ARL6IP4: variants seen among roughly 807,000 people sequenced by gnomAD.
ARL6IP4 encodes the protein ADP-ribosylation factor-like protein 6-interacting protein 4.
A neutral mutation model predicts 28.1 loss-of-function variants in ARL6IP4; 24 were observed. The observed-to-expected ratio is 0.86, with a 90% CI of 0.62 to 1.20. The LOEUF (loss-of-function observed/expected upper bound fraction) is 1.20, where lower values mean the gene tolerates loss of function less well. Ranked by LOEUF, ARL6IP4 falls within the 50% of genes most tolerant of loss-of-function variation. The probability of loss-of-function intolerance (pLI) is 0.00; values close to 1 mark genes in which losing one functional copy is unlikely to be tolerated. For synonymous variants in ARL6IP4, 162 were observed against 122.3 expected (o/e 1.32, Z -2.14); for missense variants, 343 against 302.4 (o/e 1.13, Z -1.00).
At chr12:122,982,408 G>C (rs2037724505) in intron 4 of ARL6IP4, 61 bp from the exon 5 acceptor site, 1 of 1,493,914 alleles carries the variant, frequency 6.7e-7, no homozygotes, top group Non-Finnish European at 9.2e-7. Flanking sequence ...TTGTGGTTCT[G>C]CTCCTCTGGC....
intron 1 of ARL6IP4, 72 bp from the exon 2 acceptor site, chr12:122,981,057 A>G (rs1290953847): frequency 6.8e-7 from 1 of 1,468,242 alleles, no homozygotes; most frequent in East Asian, 2.7e-5. Flanking sequence ...CGGCCCCGCT[A>G]GAGCCACCCT....
rs2037755216 is a variant in ARL6IP4, at chr12:122,982,723, TGG to T, written c.*49_*50del. 3 of 1,591,950 alleles carry T rather than the reference TGG, an allele frequency of 1.9e-6. No individual in the cohort carries two copies. In the East Asian group the frequency reaches 6.7e-5, roughly 36 times the overall value. The stretch of plus-strand genomic sequence containing the variant: ...TGTGGACGACGCTGGCGGCCCAGCC[TGG>T]GCAGGTTTCAGGGTGCCAGTGGGAA... On this transcript the variant is annotated 3_prime_UTR_variant, in exon 6 of 6. Transcript: ENST00000315580.
Position 122,981,855 on chromosome 12 carries a change from G to T in ARL6IP4, c.445G>T (p.Ala149Ser), listed in dbSNP as rs1048068837. 6.2e-7 allele frequency: 1 copy of T among 1,610,898 alleles called. No individual in the cohort carries two copies. Among genetic ancestry groups the T allele is most frequent in the Non-Finnish European group, 8.5e-7 (1 of 1,178,070 alleles). ...GPSLDQWHRS[A>S]GEEEDGPVLT... ...CTCGCTGGACCAGTGGCACCGATCA[G>T]CTGGGGAGGAAGAGGATGGCCCAGG... is the stretch of plus-strand genomic sequence containing the variant. Residue 149 changes from alanine (A) to serine (S), a missense_variant, in exon 3 of 6, where the codon GCT becomes TCT. Physicochemically the swap from Ala to Ser is moderately conservative, Grantham distance 99 (BLOSUM62 1). Transcript: ENST00000315580.
chr12:122,981,117 C>G lies in ARL6IP4; in HGVS notation c.-11-12C>G. 1.3e-6 allele frequency: 2 copies of G among 1,546,836 alleles called. No individual in the cohort carries two copies. The highest frequency in any genetic ancestry group is 1.7e-6 in the Non-Finnish European group (2 of 1,145,490). On this transcript the variant is annotated splice_polypyrimidine_tract_variant and intron_variant, in intron 1 of 5. Coordinates refer to ENST00000315580, the MANE Select transcript of ARL6IP4 (RefSeq NM_018694.4). ...GGGGGCTTCGGCTCAAGCGCGTCTTCTTCGTCGCCAGCCCGCGGCGCCATG... is the reference window on the plus strand; with the variant it reads ...GGGGGCTTCGGCTCAAGCGCGTCTTGTTCGTCGCCAGCCCGCGGCGCCATG...
chr12:122,980,774 C>G (rs1331301640), intron 1 of ARL6IP4, 29 bp downstream of exon 1: 3 of 1,304,760 alleles, frequency 2.3e-6, no homozygotes, highest in East Asian at 3.2e-5. Flanking sequence ...CGGGGGCCCC[C>G]TTGAGGCGGC....
chr12:122,982,343 G>C (rs954302096), intron 4 of ARL6IP4, 126 bp from the exon 5 acceptor site: 2 of 985,404 alleles, frequency 2.0e-6, no homozygotes, highest in South Asian at 3.1e-5. Context: ...GAGGCCCCAG[G>C]GTCTGTCCAC....
intron 2 of ARL6IP4, 116 bp downstream of exon 2, chr12:122,981,415 G>T: frequency 1.4e-6 from 2 of 1,399,568 alleles, no homozygotes; most frequent in Non-Finnish European, 1.9e-6. Context: ...AGATGTGAGG[G>T]CCAGGCGCCG....
upstream of ARL6IP4, chr12:122,980,480 C>T: frequency 7.3e-7 from 1 of 1,363,692 alleles, no homozygotes; most frequent in Non-Finnish European, 9.4e-7. Context: ...TGCGGGCGTG[C>T]GCCGAGAGGG....
In ARL6IP4 at chr12:122,982,320, A is replaced by C. The variant is rs1447888337; in HGVS notation, c.588-149A>C. The C allele has an allele frequency of 5.7e-6, 5 of 874,964 alleles. No homozygotes were observed. The Admixed American group carries it at 9.3e-5, about 16-fold the overall frequency. The allele number at this position is 874,964 out of a possible 1,614,324, so 54.2% of individuals were successfully genotyped here. ...AGAGCCCAGCTCCACTGCCTTCATC[A>C]GGGAGAGTGGGTGAGGCCCCAGGGT... is the stretch of plus-strand genomic sequence containing the variant. On this transcript the variant is annotated intron_variant, in intron 4 of 5. Transcript: ENST00000315580.
At chr12:122,980,676 G>T (rs747921915), upstream of ARL6IP4, 1,346 of 1,352,938 alleles carry the variant, frequency 9.9e-4, 5 homozygotes, top group Middle Eastern at 0.014. Flanking sequence ...GCCCCGGCCG[G>T]AAGCCTCCTC....
chr12:122,981,942 C>A lies in ARL6IP4; in HGVS notation c.470-15C>A, dbSNP rs776424372. The A allele has an allele frequency of 6.2e-7, 1 of 1,613,718 alleles. No homozygotes were observed. Among genetic ancestry groups the A allele is most frequent in the Non-Finnish European group, 8.5e-7 (1 of 1,180,014 alleles). On this transcript the variant is annotated splice_polypyrimidine_tract_variant and intron_variant, in intron 3 of 5. Coordinates refer to ENST00000315580, the MANE Select transcript of ARL6IP4 (RefSeq NM_018694.4). ...CTTCCCAAGGCCTGGCCACCACCTC[C>A]GTCTTCCCTTCCAGTCCTGACGGAT...
rs368485808 is a variant in ARL6IP4 at position 122,982,430 on chromosome 12, T to C, written c.588-39T>C. The C allele has an allele frequency of 9.6e-6, 15 of 1,567,156 alleles. No homozygotes were observed. In the African/African-American group the frequency reaches 1.9e-4, roughly 20 times the overall value. On this transcript the variant is annotated intron_variant, in intron 4 of 5. Coordinates refer to ENST00000315580, the MANE Select transcript of ARL6IP4 (RefSeq NM_018694.4). ...TCTGCTCCTCTGGCATTAGGGGACC[T>C]GCCTATTCCTTGCTGAACGGAGACC...
Position 122,980,743 on chromosome 12 carries a change from G to C in ARL6IP4, c.-14G>C, listed in dbSNP as rs2037606536. 1 of 1,321,462 alleles carries C rather than the reference G, an allele frequency of 7.6e-7. No homozygotes were observed. Among genetic ancestry groups the C allele is most frequent in the East Asian group, 3.1e-5 (1 of 31,856 alleles). 81.9% of individuals were successfully genotyped at this position (1,321,462 alleles called of 1,614,324 possible). A position where few individuals can be genotyped will look rare whatever the true frequency, so the allele number is the denominator to read the frequency against. On this transcript the variant is annotated splice_region_variant and 5_prime_UTR_variant, in exon 1 of 6. Coordinates refer to ENST00000315580, the MANE Select transcript of ARL6IP4 (RefSeq NM_018694.4). ...GGGCTGTCCGGCCCGCAGGGCGGTC[G>C]AGGTGGGAACGGAGCAGCCCCGGGG...
Position 122,981,397 on chromosome 12 carries a change from C to T in ARL6IP4, c.160+98C>T, listed in dbSNP as rs944780421. The T allele has an allele frequency of 4.1e-6, 6 of 1,448,978 alleles. No individual in the cohort carries two copies. In the Admixed American group the frequency reaches 7.9e-5, roughly 19 times the overall value. The allele number at this position is 1,448,978 out of a possible 1,614,324, so 89.8% of individuals were successfully genotyped here. On this transcript the variant is annotated intron_variant, in intron 2 of 5. Coordinates refer to ENST00000315580, the MANE Select transcript of ARL6IP4 (RefSeq NM_018694.4). ...ACGCTCAGTCATGCCTCTGTGCAGC[C>T]GGGCCTGAGATGTGAGGGCCAGGCG... is the stretch of plus-strand genomic sequence containing the variant.
intron 4 of ARL6IP4, 190 bp from the exon 5 acceptor site, chr12:122,982,279 C>T: frequency 2.5e-6 from 2 of 804,484 alleles, no homozygotes; most frequent in Non-Finnish European, 2.0e-6. Context: ...GTTGGCCGGG[C>T]TGAGGCTGGC....
Sources: gnomAD v4.1 joint callset for allele counts on GRCh38, gnomAD v4.1.1 for gene constraint, MANE v1.5 for transcripts, NCBI Gene and HGNC (gene_info 2026-07-23, HGNC 2026-07-21) for gene names.